LCMT1: variants seen among roughly 807,000 people sequenced by gnomAD.
The protein encoded by LCMT1 is [Phosphatase 2A protein]-leucine-carboxy methyltransferase 1.
LCMT1 carries 32 observed loss-of-function variants against 47.7 expected under a neutral mutation model. The ratio of observed to expected loss-of-function variants is 0.67; its 90% CI spans 0.51 to 0.90. The LOEUF is 0.90. Among genes scored for constraint, LCMT1 ranks in the 40% least tolerant of loss-of-function variants. LCMT1 has a pLI of 0.00. For synonymous variants in LCMT1, 152 were observed against 149.7 expected (o/e 1.02, Z -0.11); for missense variants, 375 against 415.2 (o/e 0.90, Z 0.84).
chr16:25,112,976 A>G (rs1374648588), intron 1 of LCMT1, among the ~76,000 whole-genome samples: 1 of 151,908 alleles, frequency 6.6e-6, no homozygotes, highest in African/African-American at 2.4e-5. Flanking sequence ...CCCCATCTCT[A>G]CTAAAAATAC....
intron 8 of LCMT1, among the ~76,000 whole-genome samples, chr16:25,170,064 A>T (rs1443680748): frequency 6.6e-6 from 1 of 152,052 alleles, no homozygotes; most frequent in Non-Finnish European, 1.5e-5. Context: ...TACTAAAAAT[A>T]CAAAAATTAG....
intron 3 of LCMT1, among the ~76,000 whole-genome samples, chr16:25,138,514 C>T (rs1432190621): frequency 1.3e-5 from 2 of 151,890 alleles, no homozygotes; most frequent in African/African-American, 4.8e-5. Flanking sequence ...TGTGTGTGCG[C>T]ATGTGCGTGT....
At chr16:25,138,539 G>T (rs967064140) in intron 3 of LCMT1, among the ~76,000 whole-genome samples, 3 of 152,124 alleles carry the variant, frequency 2.0e-5, no homozygotes, top group Non-Finnish European at 4.4e-5. Flanking sequence ...GTGTGGTTGT[G>T]TGTGTGTGTA....
chr16:25,151,507 G>T, intron 4 of LCMT1, 47 bp from the exon 5 acceptor site: 1 of 1,464,142 alleles, frequency 6.8e-7, no homozygotes, highest in Non-Finnish European at 9.5e-7. Context: ...TGAGTAAATT[G>T]AGGAGCAAAT....
intron 7 of LCMT1, among the ~76,000 whole-genome samples, chr16:25,167,402 T>C (rs1468357105): frequency 6.6e-6 from 1 of 151,852 alleles, no homozygotes; most frequent in Non-Finnish European, 1.5e-5. Context: ...ACTGCAGTCT[T>C]GAGCTCCCAG....
chr16:25,118,547 C>T (rs1385709711), intron 1 of LCMT1, among the ~76,000 whole-genome samples: 1 of 151,982 alleles, frequency 6.6e-6, no homozygotes, highest in Non-Finnish European at 1.5e-5. Flanking sequence ...TAGGGAATAG[C>T]CAGGAAACAA....
At chr16:25,160,889 A>G (rs1232331480) in intron 5 of LCMT1, 1 of 639,422 alleles carries the variant, frequency 1.6e-6, no homozygotes, top group African/African-American at 1.8e-5. Flanking sequence ...TAATAACTTA[A>G]GCACATAGGA....
intron 10 of LCMT1, 71 bp from the exon 11 acceptor site, chr16:25,177,930 G>T: frequency 7.2e-7 from 1 of 1,386,254 alleles, no homozygotes; most frequent in Non-Finnish European, 1.0e-6. Flanking sequence ...CCGGTCACTG[G>T]GGGTCCTCTA....
intron 1 of LCMT1, among the ~76,000 whole-genome samples, chr16:25,121,768 G>A (rs1959997751): frequency 6.6e-6 from 1 of 152,206 alleles, no homozygotes; most frequent in Non-Finnish European, 1.5e-5. Context: ...CAGCCCCCAT[G>A]ATCCAGTTAC....
intron 4 of LCMT1, chr16:25,141,237 A>C (rs1960682677): frequency 6.6e-6 from 1 of 152,262 alleles, no homozygotes; most frequent in African/African-American, 2.4e-5. Flanking sequence ...GGTCCGAAGA[A>C]AGGTAAAAAC....
At position 25,138,452 on chromosome 16, in the gene LCMT1, C is replaced by T. The variant is rs148903118; in HGVS notation, c.328-1719C>T. On this transcript the variant is annotated intron_variant, in intron 3 of 10. Transcript: ENST00000399069. ...CACTAGGATGATAGGATGATGTGTG[C>T]GTGACTGGGTAGGGAGGGTGTAGCT... Among the ~76,000 whole-genome samples the T allele has an allele frequency of 2.2e-4, 34 of 151,978 alleles. 1 individual carries two copies. The highest frequency in any genetic ancestry group is 4.0e-4 in the Non-Finnish European group (27 of 67,962).
At chr16:25,163,806 G>A (rs918003446) in intron 6 of LCMT1, among the ~76,000 whole-genome samples, 1 of 152,108 alleles carries the variant, frequency 6.6e-6, no homozygotes, top group Non-Finnish European at 1.5e-5. Context: ...CATTGGGTAG[G>A]GCATACCATG....
chr16:25,175,126 C>G, intron 10 of LCMT1, 92 bp downstream of exon 10: 1 of 704,822 alleles, frequency 1.4e-6, no homozygotes. Flanking sequence ...TTTTGTCTTC[C>G]CTCTTTCTCT....
chr16:25,117,613 G>C (rs984631612), intron 1 of LCMT1, among the ~76,000 whole-genome samples: 7 of 152,112 alleles, frequency 4.6e-5, no homozygotes, highest in Admixed American at 3.3e-4. Context: ...CAGCACTTTC[G>C]GAGCCGAGAT....
Position 25,169,130 on chromosome 16 carries a change from T to G in LCMT1, c.709T>G (p.Phe237Val). ...CTCCTAGGTGAACATGGGTGATCGG[T>G]TTGGGCAGATCATGATTGAAAACCT... ...NYEQVNMGDR[F>V]GQIMIENLRR... Residue 237 changes from phenylalanine to valine, a missense_variant, in exon 8 of 11, where the codon TTT (phenylalanine) becomes GTT (valine). By Grantham distance (50) the Phe-to-Val change is conservative. Coordinates refer to ENST00000399069, the MANE Select transcript of LCMT1 (RefSeq NM_016309.3). 6.2e-7 allele frequency: 1 copy of G among 1,613,128 alleles called. No homozygotes were observed. Among genetic ancestry groups the G allele is most frequent in the South Asian group, 1.1e-5 (1 of 91,046 alleles).
chr16:25,134,710 C>A (rs1462382391), intron 3 of LCMT1, among the ~76,000 whole-genome samples: 2 of 152,206 alleles, frequency 1.3e-5, no homozygotes, highest in Non-Finnish European at 2.9e-5. Context: ...AAGCAATTCT[C>A]CTGTCTCAGC....
At chr16:25,173,916 A>G (rs1291022463) in intron 9 of LCMT1, among the ~76,000 whole-genome samples, 1 of 151,848 alleles carries the variant, frequency 6.6e-6, no homozygotes, top group Non-Finnish European at 1.5e-5. Context: ...ATAGTTATTT[A>G]TTTTTATTTT....
At chr16:25,171,398 C>A (rs1961764150) in intron 9 of LCMT1, among the ~76,000 whole-genome samples, 2 of 151,906 alleles carry the variant, frequency 1.3e-5, no homozygotes, top group South Asian at 4.2e-4. Flanking sequence ...TGCGACAGAG[C>A]AAGACTGCTT....
chr16:25,126,116 A>C, intron 1 of LCMT1: 1 of 1,351,644 alleles, frequency 7.4e-7, no homozygotes, highest in Non-Finnish European at 9.8e-7. Flanking sequence ...GGGTTTGCGG[A>C]GTGGGAGGAG....
Sources: allele counts gnomAD v4.1 joint callset (sites outside exome capture counted in the v4.1 genomes callset), GRCh38; gene constraint gnomAD v4.1.1; transcripts MANE v1.5; gene names NCBI Gene and HGNC (gene_info 2026-07-23, HGNC 2026-07-21).